CFAP95: variants seen among roughly 807,000 people sequenced by gnomAD.
CFAP95 encodes cilia and flagella associated protein 95, also known as cilia- and flagella-associated protein 95.
the CFAP95 span, among the ~76,000 whole-genome samples, chr9:69,857,298 T>C: frequency 6.6e-6 from 1 of 152,216 alleles, no homozygotes; most frequent in Non-Finnish European, 1.5e-5. Flanking sequence ...TTATTCATCA[T>C]AGTTGTCATC....
the CFAP95 span, among the ~76,000 whole-genome samples, chr9:69,901,537 G>A: frequency 6.6e-6 from 1 of 151,028 alleles, no homozygotes. Context: ...TTTTATGGCT[G>A]CATAGTGTTC....
chr9:69,861,730 C>CA, the CFAP95 span, among the ~76,000 whole-genome samples: 20,296 of 86,516 alleles, frequency 0.23, 2,267 homozygotes, highest in Non-Finnish European at 0.26. Flanking sequence ...TCTTATGAGT[C>CA]AAAAAAAAAA....
chr9:69,821,958 C>T, the CFAP95 span, among the ~76,000 whole-genome samples: 1 of 152,010 alleles, frequency 6.6e-6, no homozygotes, highest in South Asian at 2.1e-4. Flanking sequence ...CTTGCTTGGC[C>T]CCAAGAAGCA....
At chr9:69,845,720 C>G in the CFAP95 span, among the ~76,000 whole-genome samples, 1 of 150,972 alleles carries the variant, frequency 6.6e-6, no homozygotes, top group African/African-American at 2.4e-5. Flanking sequence ...GGAACTAACA[C>G]AGCTCTAAAG....
At chr9:69,868,291 A>C in the CFAP95 span, among the ~76,000 whole-genome samples, 1 of 152,286 alleles carries the variant, frequency 6.6e-6, no homozygotes, top group Admixed American at 6.5e-5. Flanking sequence ...TTGGACAGAC[A>C]TCAAAGGTAC....
At chr9:69,853,337 T>A in the CFAP95 span, among the ~76,000 whole-genome samples, 1 of 152,214 alleles carries the variant, frequency 6.6e-6, no homozygotes, top group Admixed American at 6.5e-5. Context: ...TCTAGAAGAA[T>A]AGAAATTGGG....
At chr9:69,838,082 T>C in the CFAP95 span, among the ~76,000 whole-genome samples, 1 of 152,224 alleles carries the variant, frequency 6.6e-6, no homozygotes, top group East Asian at 1.9e-4. Context: ...TTCTATTCCA[T>C]TGATCTATAT....
the CFAP95 span, chr9:69,905,958 A>T: frequency 1.3e-6 from 2 of 1,598,180 alleles, no homozygotes; most frequent in Non-Finnish European, 1.7e-6. Flanking sequence ...CCATAGGCTT[A>T]TCCCTGTCAA....
the CFAP95 span, among the ~76,000 whole-genome samples, chr9:69,900,878 T>G: frequency 6.6e-6 from 1 of 152,208 alleles, no homozygotes; most frequent in Non-Finnish European, 1.5e-5. Flanking sequence ...TGTATTTTTT[T>G]TTTATGCTTT....
the CFAP95 span, among the ~76,000 whole-genome samples, chr9:69,854,686 C>T: frequency 3.9e-5 from 6 of 152,244 alleles, no homozygotes; most frequent in Admixed American, 3.9e-4. Flanking sequence ...GAGCTCCTTG[C>T]CTTCTGGCTT....
chr9:69,853,465 G>A, the CFAP95 span, among the ~76,000 whole-genome samples: 1 of 152,150 alleles, frequency 6.6e-6, no homozygotes, highest in South Asian at 2.1e-4. Context: ...ATTTTATTAT[G>A]TAAATTAAAT....
the CFAP95 span, among the ~76,000 whole-genome samples, chr9:69,856,346 T>C: frequency 6.6e-6 from 1 of 152,202 alleles, no homozygotes; most frequent in African/African-American, 2.4e-5. Context: ...AAACAACCAA[T>C]TTGCTTTTTA....
chr9:69,832,059 G>GCCAT, the CFAP95 span, among the ~76,000 whole-genome samples: 5 of 152,090 alleles, frequency 3.3e-5, no homozygotes, highest in African/African-American at 1.2e-4. Flanking sequence ...TTATAACAAG[G>GCCAT]GTGTGAACAG....
At chr9:69,831,694 C>A in the CFAP95 span, among the ~76,000 whole-genome samples, 4 of 152,210 alleles carry the variant, frequency 2.6e-5, no homozygotes, top group Admixed American at 6.5e-5. Flanking sequence ...ACCAGGGGAG[C>A]TTTTCAGAGG....
At chr9:69,856,920 G>GTTTTTTTT in the CFAP95 span, among the ~76,000 whole-genome samples, 1 of 125,934 alleles carries the variant, frequency 7.9e-6, no homozygotes, top group Non-Finnish European at 1.6e-5. Flanking sequence ...CTTTATATGT[G>GTTTTTTTT]TTTTTTTTTT....
the CFAP95 span, among the ~76,000 whole-genome samples, chr9:69,905,613 T>G: frequency 1.3e-5 from 2 of 151,066 alleles, no homozygotes; most frequent in Admixed American, 1.3e-4. Flanking sequence ...AGGTGTTGAA[T>G]TGTAATTAAA....
the CFAP95 span, among the ~76,000 whole-genome samples, chr9:69,880,292 C>T: frequency 3.3e-5 from 5 of 152,272 alleles, no homozygotes; most frequent in Admixed American, 3.3e-4. Context: ...ACTATGCCAT[C>T]CCTTCCCTGC....
At chr9:69,871,570 C>G in the CFAP95 span, among the ~76,000 whole-genome samples, 1 of 144,790 alleles carries the variant, frequency 6.9e-6, no homozygotes, top group South Asian at 2.2e-4. Context: ...GATTTTAGAT[C>G]TAGTAAAAAA....
At chr9:69,867,245 G>A in the CFAP95 span, among the ~76,000 whole-genome samples, 1 of 152,060 alleles carries the variant, frequency 6.6e-6, no homozygotes, top group South Asian at 2.1e-4. Flanking sequence ...CAAATAATTT[G>A]ATAAGAAAAT....
Sources: gnomAD v4.1 joint callset for allele counts (sites outside exome capture counted in the v4.1 genomes callset) on GRCh38, gnomAD v4.1.1 for gene constraint, MANE v1.5 for transcripts, NCBI Gene and HGNC (gene_info 2026-07-23, HGNC 2026-07-21) for gene names.